Variants in CCDC141 observed in about 807,000 individuals in gnomAD.
The protein encoded by CCDC141 is coiled-coil domain-containing protein 141.
CCDC141 carries 168 observed loss-of-function variants against 181.0 expected under a neutral mutation model. That is an observed-to-expected ratio of 0.93 (90% CI 0.82 to 1.05). The LOEUF (loss-of-function observed/expected upper bound fraction) is 1.05, where lower values mean the gene tolerates loss of function less well. CCDC141 is among the 50% of genes least tolerant of loss of function. The probability of loss-of-function intolerance (pLI) is 0.00; values close to 1 mark genes in which losing one functional copy is unlikely to be tolerated. For synonymous variants in CCDC141, 666 were observed against 642.3 expected, an observed-to-expected ratio of 1.04 and a Z score of -0.56; for missense variants, 1,902 against 1,788.5, an observed-to-expected ratio of 1.06 and a Z score of -1.14.
intron 22 of CCDC141, among the ~76,000 whole-genome samples, chr2:178,844,425 T>C (rs1266876288): frequency 6.6e-6 from 1 of 152,152 alleles, no homozygotes; most frequent in Non-Finnish European, 1.5e-5. Context: ...CTGGCCAAAA[T>C]GTCAACAGTG....
intron 2 of CCDC141, among the ~76,000 whole-genome samples, chr2:179,037,109 A>C (rs1324480254): frequency 6.6e-6 from 1 of 151,966 alleles, no homozygotes; most frequent in Non-Finnish European, 1.5e-5. Context: ...AAGTGGGGAC[A>C]TCTGGCCAGG....
chr2:178,880,524 G>C (rs529736289), intron 11 of CCDC141, among the ~76,000 whole-genome samples: 3 of 152,066 alleles, frequency 2.0e-5, no homozygotes, highest in Non-Finnish European at 4.4e-5. Context: ...GCCGAGAAAG[G>C]GGAGTTCAGA....
intron 20 of CCDC141, among the ~76,000 whole-genome samples, chr2:178,850,826 T>C (rs1431326143): frequency 6.6e-6 from 1 of 152,244 alleles, no homozygotes; most frequent in Non-Finnish European, 1.5e-5. Flanking sequence ...TGCCTGTGCC[T>C]AAGCACTGTA....
chr2:178,940,537 G>A (rs1689466115), intron 6 of CCDC141, among the ~76,000 whole-genome samples: 2 of 152,088 alleles, frequency 1.3e-5, no homozygotes, highest in African/African-American at 4.8e-5. Context: ...TAAAGGGGAA[G>A]ACAATAAGGT....
intron 2 of CCDC141, among the ~76,000 whole-genome samples, chr2:179,034,543 C>A (rs920510039): frequency 9.2e-5 from 14 of 152,194 alleles, no homozygotes; most frequent in African/African-American, 3.1e-4. Flanking sequence ...GCAAAAGCAT[C>A]TTTATATCAA....
intron 8 of CCDC141, among the ~76,000 whole-genome samples, chr2:178,890,934 A>G (rs962194476): frequency 3.3e-5 from 5 of 152,192 alleles, no homozygotes; most frequent in Non-Finnish European, 7.3e-5. Context: ...AATCCTTAAA[A>G]TAACTTTGTG....
chr2:178,870,923 TG>T (rs2154369118), intron 14 of CCDC141, among the ~76,000 whole-genome samples: 1 of 152,260 alleles, frequency 6.6e-6, no homozygotes, highest in Admixed American at 6.5e-5. Flanking sequence ...ATGGTTTTAT[TG>T]CTCATATCCT....
At chr2:178,995,080 C>A (rs1377710168) in intron 2 of CCDC141, among the ~76,000 whole-genome samples, 2 of 152,194 alleles carry the variant, frequency 1.3e-5, no homozygotes, top group Admixed American at 1.3e-4. Context: ...TGTCTATTAC[C>A]CAGTTCCAAA....
intron 12 of CCDC141, chr2:178,874,892 T>TA (rs145082747): frequency 6.6e-6 from 1 of 152,120 alleles, no homozygotes; most frequent in African/African-American, 2.4e-5. Flanking sequence ...GGCAGTGGAT[T>TA]AAAAAACCTA....
intron 2 of CCDC141, among the ~76,000 whole-genome samples, chr2:178,989,661 C>T (rs961058450): frequency 6.8e-6 from 1 of 147,928 alleles, no homozygotes; most frequent in Non-Finnish European, 1.5e-5. Context: ...GAAAGGACAA[C>T]AATACAATCA....
chr2:178,907,480 G>T (rs1225641914), intron 7 of CCDC141, among the ~76,000 whole-genome samples: 1 of 152,194 alleles, frequency 6.6e-6, no homozygotes, highest in Non-Finnish European at 1.5e-5. Context: ...GAAAAGGAGG[G>T]ATTTTAAAAC....
intron 6 of CCDC141, among the ~76,000 whole-genome samples, chr2:178,942,963 T>G (rs1331565230): frequency 6.6e-6 from 1 of 152,192 alleles, no homozygotes; most frequent in Non-Finnish European, 1.5e-5. Context: ...AGAAAAACTG[T>G]GCCCTACTAA....
intron 2 of CCDC141, among the ~76,000 whole-genome samples, chr2:179,005,309 G>T (rs1489872747): frequency 2.2e-5 from 1 of 46,456 alleles, no homozygotes; most frequent in Non-Finnish European, 7.1e-5. Context: ...ATTATTTGGA[G>T]AATTTAAAAA....
chr2:179,004,204 C>T (rs922659908), intron 2 of CCDC141, among the ~76,000 whole-genome samples: 1 of 152,172 alleles, frequency 6.6e-6, no homozygotes, highest in Non-Finnish European at 1.5e-5. Flanking sequence ...GGGCTGAAGA[C>T]TGCATTAATG....
At chr2:178,899,177 C>G (rs1161350289) in intron 8 of CCDC141, among the ~76,000 whole-genome samples, 1 of 152,146 alleles carries the variant, frequency 6.6e-6, no homozygotes, top group Non-Finnish European at 1.5e-5. Flanking sequence ...ATATTCAATA[C>G]AGTAACATGC....
At chr2:179,025,364 G>A (rs1053212953) in intron 2 of CCDC141, among the ~76,000 whole-genome samples, 6 of 152,212 alleles carry the variant, frequency 3.9e-5, no homozygotes, top group South Asian at 4.1e-4. Context: ...ACTGAATTAC[G>A]GGGGTGGGTC....
chr2:179,018,103 T>C (rs1324167735), intron 2 of CCDC141, among the ~76,000 whole-genome samples: 1 of 152,092 alleles, frequency 6.6e-6, no homozygotes, highest in Non-Finnish European at 1.5e-5. Context: ...AAAAATGCAC[T>C]CTGTCTTTTT....
At chr2:178,850,322 T>C (rs1330621404) in intron 20 of CCDC141, among the ~76,000 whole-genome samples, 161 bp from the exon 21 acceptor site, 1 of 152,236 alleles carries the variant, frequency 6.6e-6, no homozygotes, top group African/African-American at 2.4e-5. Context: ...AAGACAAGTT[T>C]CTAAAAGCTA....
intron 2 of CCDC141, among the ~76,000 whole-genome samples, chr2:178,992,051 C>A (rs1692080400): frequency 6.6e-6 from 1 of 151,748 alleles, no homozygotes; most frequent in Non-Finnish European, 1.5e-5. Context: ...CAAGTATGTA[C>A]CCAAAAGAAT....
Sources: gnomAD v4.1 joint callset for allele counts (sites outside exome capture counted in the v4.1 genomes callset) on GRCh38, gnomAD v4.1.1 for gene constraint, MANE v1.5 for transcripts, NCBI Gene and HGNC (gene_info 2026-07-23, HGNC 2026-07-21) for gene names.